The following ROBO2 variants were observed in gnomAD, a reference collection of about 807,000 sequenced individuals.
ROBO2 encodes roundabout homolog 2.
In ROBO2, 53 loss-of-function variants were observed where a neutral mutation model predicts 160.8. That is an observed-to-expected ratio of 0.33 (90% CI 0.26 to 0.41). The LOEUF is 0.41. Among genes scored for constraint, ROBO2 ranks in the 10% least tolerant of loss-of-function variants. The pLI is 1.00. For missense variants in ROBO2, 1,577 were observed against 1,722.4 expected, an observed-to-expected ratio of 0.92 and a Z score of 1.49; for synonymous variants, 664 against 611.7, an observed-to-expected ratio of 1.09 and a Z score of -1.26.
At chr3:77,315,623 T>G (rs1412691808) in intron 2 of ROBO2, among the ~76,000 whole-genome samples, 2 of 152,234 alleles carry the variant, frequency 1.3e-5, no homozygotes, top group African/African-American at 4.8e-5. Context: ...GAAAGATTTT[T>G]GAAAGTTAAT....
chr3:76,614,184 A>T (rs1466993423), intron 2 of ROBO2, among the ~76,000 whole-genome samples: 1 of 152,090 alleles, frequency 6.6e-6, no homozygotes, highest in Non-Finnish European at 1.5e-5. Context: ...GAAGTTTTAC[A>T]TATAGCAAAT....
In ROBO2 at chr3:77,602,570, A is replaced by G. The variant is rs1228174909; in HGVS notation, c.3136+79A>G. 37 of 1,535,448 alleles carry G rather than the reference A, an allele frequency of 2.4e-5. No individual in the cohort carries two copies. In the Middle Eastern group the frequency reaches 7.5e-4, roughly 31 times the overall value. On this transcript the variant is annotated intron_variant, in intron 20 of 25. Coordinates refer to ENST00000461745, the Ensembl canonical transcript of ROBO2. ...GATAGAAATTAGTATTTGTTGTTTG[A>G]CTTAGTGATTCATTACCAGGTTTAC...
chr3:77,010,007 T>C (rs148313666), intron 2 of ROBO2, among the ~76,000 whole-genome samples: 1 of 148,518 alleles, frequency 6.7e-6, no homozygotes, highest in East Asian at 2.0e-4. Flanking sequence ...TTTATAGACA[T>C]ATTTGCCTTT....
intron 2 of ROBO2, among the ~76,000 whole-genome samples, chr3:76,957,647 A>G (rs1480151240): frequency 6.6e-6 from 1 of 151,944 alleles, no homozygotes; most frequent in Non-Finnish European, 1.5e-5. Context: ...CCTGACCAAC[A>G]TGATGAAACC....
intron 1 of ROBO2, among the ~76,000 whole-genome samples, chr3:77,057,936 C>T (rs915100388): frequency 6.6e-6 from 1 of 151,736 alleles, no homozygotes; most frequent in East Asian, 1.9e-4. Flanking sequence ...CACATGTATA[C>T]CTATGTAACA....
chr3:76,280,290 C>T lies in ROBO2; in HGVS notation c.109+342688C>T, dbSNP rs543102648. On this transcript the variant is annotated intron_variant, in intron 2 of 26. Coordinates refer to the ROBO2 transcript ENST00000487694. ...GCCATTCATATGTTAAACCATAACC[C>T]CCAGTGTGACTGTATCTGGAGATAG... is the stretch of plus-strand genomic sequence containing the variant. 2.4e-3 allele frequency among the ~76,000 whole-genome samples: 359 copies of T among 152,010 alleles called. 3 individuals carry two copies. The highest frequency in any genetic ancestry group is 8.2e-3 in the African/African-American group (339 of 41,474).
intron 2 of ROBO2, among the ~76,000 whole-genome samples, chr3:76,799,340 AC>A: frequency 6.6e-6 from 1 of 152,328 alleles, no homozygotes; most frequent in South Asian, 2.1e-4. Flanking sequence ...GCCTACTCTC[AC>A]CACTGTTATT....
intron 16 of ROBO2, among the ~76,000 whole-genome samples, chr3:77,587,521 G>A (rs1011025932): frequency 2.6e-5 from 4 of 152,000 alleles, no homozygotes; most frequent in African/African-American, 7.2e-5. Flanking sequence ...ATAATTTTGA[G>A]TCAAAAACTA....
chr3:76,147,290 A>G (rs1484606836), intron 2 of ROBO2, among the ~76,000 whole-genome samples: 1 of 151,872 alleles, frequency 6.6e-6, no homozygotes, highest in African/African-American at 2.4e-5. Flanking sequence ...GTTAATTTCA[A>G]AATAAGTAAA....
At chr3:76,364,935 T>C (rs890356952) in intron 2 of ROBO2, among the ~76,000 whole-genome samples, 2 of 152,112 alleles carry the variant, frequency 1.3e-5, no homozygotes, top group African/African-American at 4.8e-5. Flanking sequence ...TGTTTTCCTA[T>C]AAATTCGCTT....
At chr3:77,465,507 G>A (rs1422864049) in intron 2 of ROBO2, among the ~76,000 whole-genome samples, 2 of 152,096 alleles carry the variant, frequency 1.3e-5, no homozygotes, top group Non-Finnish European at 2.9e-5. Flanking sequence ...AGACTCAGAA[G>A]GCAGTACTAT....
In ROBO2 at chr3:77,213,789, C is replaced by T. The variant is rs1253035241; in HGVS notation, c.388+115449C>T. Among the ~76,000 whole-genome samples the T allele has an allele frequency of 8.5e-5, 13 of 152,122 alleles. No individual in the cohort carries two copies. In the East Asian group the frequency reaches 2.3e-3, roughly 27 times the overall value. ...TTCTGGTATGTTGTGTCTTTGTTCT[C>T]GTTGGTTTCAAAGAACATCTTTATT... On this transcript the variant is annotated intron_variant, in intron 2 of 25. Coordinates refer to ENST00000461745, the Ensembl canonical transcript of ROBO2.
chr3:76,599,176 C>T (rs1465700208), intron 2 of ROBO2, among the ~76,000 whole-genome samples: 2 of 152,164 alleles, frequency 1.3e-5, no homozygotes, highest in Admixed American at 6.5e-5. Context: ...CACCCATGTA[C>T]TAAGCCTATT....
At chr3:77,551,275 T>A (rs1422687038) in intron 8 of ROBO2, among the ~76,000 whole-genome samples, 2 of 151,996 alleles carry the variant, frequency 1.3e-5, no homozygotes, top group Non-Finnish European at 2.9e-5. Context: ...TGAAATGTAA[T>A]CTGTATATTT....
intron 2 of ROBO2, among the ~76,000 whole-genome samples, chr3:76,702,201 C>T (rs2093059900): frequency 6.6e-6 from 1 of 151,846 alleles, no homozygotes; most frequent in Admixed American, 6.6e-5. Flanking sequence ...TACCAAAATG[C>T]ACAGTGAATT....
intron 2 of ROBO2, among the ~76,000 whole-genome samples, chr3:76,596,461 G>A (rs1001236203): frequency 2.6e-5 from 4 of 152,038 alleles, no homozygotes; most frequent in South Asian, 2.1e-4. Context: ...ATGGAAAACC[G>A]GCAGCAGATA....
At position 76,912,187 on chromosome 3, in the gene ROBO2, A is replaced by C. The variant is rs188570242; in HGVS notation, c.110-185827A>C. Among the ~76,000 whole-genome samples the C allele has an allele frequency of 2.1e-3, 318 of 152,212 alleles. 3 individuals are homozygous for C. Among genetic ancestry groups the C allele is most frequent in the Non-Finnish European group, 1.1e-3 (78 of 68,006 alleles). ...CTGTATTTGCTTTCTTCTCTGTAACAGGAAATACTGAATTAGATGCTCCCC... is the reference window on the plus strand; with the variant it reads ...CTGTATTTGCTTTCTTCTCTGTAACCGGAAATACTGAATTAGATGCTCCCC... On this transcript the variant is annotated intron_variant, in intron 2 of 26. Transcript: ENST00000487694.
chr3:77,543,489 A>G (rs2092569225), intron 6 of ROBO2, among the ~76,000 whole-genome samples: 1 of 152,154 alleles, frequency 6.6e-6, no homozygotes, highest in Non-Finnish European at 1.5e-5. Flanking sequence ...AGTGGTGTTA[A>G]AATCGTATTA....
chr3:77,297,411 T>G (rs1010677606), intron 2 of ROBO2, among the ~76,000 whole-genome samples: 2 of 152,262 alleles, frequency 1.3e-5, no homozygotes, highest in African/African-American at 4.8e-5. Context: ...AGTCTCTTGA[T>G]TTTTGAAAAC....
Sources: gnomAD v4.1 joint callset for allele counts (sites outside exome capture counted in the v4.1 genomes callset) on GRCh38, gnomAD v4.1.1 for gene constraint, MANE v1.5 for transcripts, NCBI Gene and HGNC (gene_info 2026-07-23, HGNC 2026-07-21) for gene names.